The following HDAC9 variants were observed in gnomAD, a reference collection of about 807,000 sequenced individuals.
The protein encoded by HDAC9 is histone deacetylase 9.
In HDAC9, 41 loss-of-function variants were observed where a neutral mutation model predicts 139.4. The ratio of observed to expected loss-of-function variants is 0.29; its 90% CI spans 0.23 to 0.38. The LOEUF (loss-of-function observed/expected upper bound fraction) is 0.38, where lower values mean the gene tolerates loss of function less well. Among genes scored for constraint, HDAC9 ranks in the 10% least tolerant of loss-of-function variants. The pLI, the probability that HDAC9 is intolerant of heterozygous loss-of-function variation, is 1.00. For synonymous variants in HDAC9, 517 were observed against 476.2 expected, an observed-to-expected ratio of 1.09 and a Z score of -1.12; for missense variants, 1,147 against 1,297.0, an observed-to-expected ratio of 0.88 and a Z score of 1.78.
At chr7:18,605,426 T>C (rs933585078) in intron 6 of HDAC9, among the ~76,000 whole-genome samples, 1 of 152,198 alleles carries the variant, frequency 6.6e-6, no homozygotes, top group Admixed American at 6.5e-5. Context: ...TAAGGCTCTG[T>C]AAAATATTTT....
intron 2 of HDAC9, among the ~76,000 whole-genome samples, chr7:18,246,222 C>A (rs1404445603): frequency 6.7e-6 from 1 of 149,934 alleles, no homozygotes; most frequent in Non-Finnish European, 1.5e-5. Context: ...GGTGGTTGGC[C>A]TCATTAGATA....
intron 1 of HDAC9, among the ~76,000 whole-genome samples, chr7:18,450,767 G>A (rs1253901904): frequency 1.3e-5 from 2 of 152,072 alleles, no homozygotes; most frequent in East Asian, 3.9e-4. Context: ...TATTTTTTAG[G>A]AAGAGGTGAA....
intron 2 of HDAC9, among the ~76,000 whole-genome samples, chr7:18,266,898 G>A (rs1796041557): frequency 6.6e-6 from 1 of 152,164 alleles, no homozygotes; most frequent in African/African-American, 2.4e-5. Context: ...TATTTATGAT[G>A]GAGCCATCCA....
chr7:18,140,366 A>G (rs1213021534), intron 1 of HDAC9, among the ~76,000 whole-genome samples: 1 of 152,194 alleles, frequency 6.6e-6, no homozygotes, highest in Non-Finnish European at 1.5e-5. Flanking sequence ...AAACATCTGC[A>G]TAAAAGTTAT....
intron 24 of HDAC9, among the ~76,000 whole-genome samples, chr7:18,972,018 A>G (rs370909405): frequency 5.9e-5 from 9 of 152,340 alleles, no homozygotes; most frequent in African/African-American, 2.2e-4. Context: ...CCTGTTGAGA[A>G]ATAAGACCCA....
At chr7:18,766,243 C>T (rs1186391859) in intron 15 of HDAC9, among the ~76,000 whole-genome samples, 2 of 152,164 alleles carry the variant, frequency 1.3e-5, no homozygotes, top group Non-Finnish European at 2.9e-5. Flanking sequence ...TAGAAATGTT[C>T]ACTGCCCTTC....
At chr7:18,421,276 A>G (rs1168931485) in intron 1 of HDAC9, among the ~76,000 whole-genome samples, 1 of 152,086 alleles carries the variant, frequency 6.6e-6, no homozygotes, top group Non-Finnish European at 1.5e-5. Context: ...ATTTCAAAAC[A>G]CTTCTTTCCA....
At chr7:18,455,489 C>G (rs1793260307) in intron 1 of HDAC9, among the ~76,000 whole-genome samples, 1 of 151,846 alleles carries the variant, frequency 6.6e-6, no homozygotes, top group African/African-American at 2.4e-5. Context: ...TCTTTTTTTC[C>G]AAACTGAGAA....
intron 5 of HDAC9, among the ~76,000 whole-genome samples, chr7:18,592,653 C>A (rs1831321377): frequency 6.6e-6 from 1 of 151,940 alleles, no homozygotes; most frequent in Admixed American, 6.6e-5. Flanking sequence ...AGGTATCCGC[C>A]CTTCTCTGCA....
In HDAC9 at chr7:18,731,484, G is replaced by C. The variant is rs1584930868; in HGVS notation, c.1909+3727G>C. 3.3e-5 allele frequency among the ~76,000 whole-genome samples: 5 copies of C among 152,264 alleles called. No homozygotes were observed. The South Asian group carries it at 1.0e-3, about 32-fold the overall frequency. On this transcript the variant is annotated intron_variant, in intron 13 of 25. Transcript: ENST00000686413. Reference sequence around the variant, plus strand: ...GCATCCTCCACAGCCCACTGGATTAGGCACACAACTCCCTTTTTGACAAGA... The same window carrying C: ...GCATCCTCCACAGCCCACTGGATTACGCACACAACTCCCTTTTTGACAAGA...
chr7:18,851,432 C>G (rs902231067), intron 21 of HDAC9: 1 of 152,486 alleles, frequency 6.6e-6, no homozygotes, highest in African/African-American at 2.4e-5. Flanking sequence ...CCTTGCTTCT[C>G]CTTCGCGTTC....
rs529816063 is a variant in HDAC9, at chr7:18,267,525, A to G, written c.25+105176A>G. On this transcript the variant is annotated intron_variant, in intron 2 of 12. Coordinates refer to the HDAC9 transcript ENST00000417496. ...GAGTAATTTTTATAGAATTCTACCT[A>G]TAAGTGAGATCATGCAGTATTTGTC... Among the ~76,000 whole-genome samples, 812 of 152,208 alleles carry G rather than the reference A, an allele frequency of 5.3e-3. 12 individuals are homozygous for G. The highest frequency in any genetic ancestry group is 9.7e-3 in the Non-Finnish European group (656 of 67,972).
intron 1 of HDAC9, among the ~76,000 whole-genome samples, chr7:18,134,420 G>A (rs1785247590): frequency 6.6e-6 from 1 of 152,088 alleles, no homozygotes; most frequent in Non-Finnish European, 1.5e-5. Flanking sequence ...TGGAGCTAGT[G>A]CTTAATTTCC....
chr7:18,669,654 A>G (rs1276636497), intron 12 of HDAC9, among the ~76,000 whole-genome samples: 2 of 151,896 alleles, frequency 1.3e-5, no homozygotes, highest in Non-Finnish European at 2.9e-5. Context: ...CTAACTTGGT[A>G]CCAGAGATCC....
intron 16 of HDAC9, among the ~76,000 whole-genome samples, chr7:18,779,057 T>C (rs781341786): frequency 6.6e-6 from 1 of 152,104 alleles, no homozygotes; most frequent in Non-Finnish European, 1.5e-5. Flanking sequence ...ACTTGGAATC[T>C]GAACGTCTTC....
intron 1 of HDAC9, among the ~76,000 whole-genome samples, chr7:18,155,216 A>G (rs78472908): frequency 1.0e-3 from 156 of 151,620 alleles, no homozygotes; most frequent in African/African-American, 3.5e-3. Flanking sequence ...GTGACTCCCT[A>G]TTGTCCAAGG....
intron 1 of HDAC9, among the ~76,000 whole-genome samples, chr7:18,415,678 G>A (rs1292516009): frequency 6.6e-6 from 1 of 152,170 alleles, no homozygotes; most frequent in African/African-American, 2.4e-5. Context: ...AACAGTATAT[G>A]AGAATGTTAT....
chr7:18,366,260 A>T (rs767835652), intron 1 of HDAC9, among the ~76,000 whole-genome samples: 1 of 152,070 alleles, frequency 6.6e-6, no homozygotes, highest in Non-Finnish European at 1.5e-5. Flanking sequence ...TTACAAAGTG[A>T]CTCATGGAAG....
At chr7:18,849,347 A>G (rs190458049) in intron 21 of HDAC9, among the ~76,000 whole-genome samples, 98 of 152,324 alleles carry the variant, frequency 6.4e-4, no homozygotes, top group African/African-American at 2.3e-3. Context: ...CAGAATTAAC[A>G]AGAGAGGGAA....
Sources: allele counts gnomAD v4.1 joint callset (sites outside exome capture counted in the v4.1 genomes callset), GRCh38; gene constraint gnomAD v4.1.1; transcripts MANE v1.5; gene names NCBI Gene and HGNC (gene_info 2026-07-23, HGNC 2026-07-21).